Variants in HCRTR1 observed in about 807,000 individuals in gnomAD.
The protein encoded by HCRTR1 is orexin/Hypocretin receptor type 1.
In HCRTR1, 28 loss-of-function variants were observed where a neutral mutation model predicts 40.6. The ratio of observed to expected loss-of-function variants is 0.69; its 90% confidence interval spans 0.51 to 0.95. The LOEUF is 0.95. Ranked by LOEUF, HCRTR1 falls within the 40% of genes least tolerant of loss-of-function variation. The pLI is 0.00. For missense variants in HCRTR1, 482 were observed against 564.7 expected, an observed-to-expected ratio of 0.85 and a Z score of 1.48; for synonymous variants, 209 against 230.0, an observed-to-expected ratio of 0.91 and a Z score of 0.83.
downstream of HCRTR1, among the ~76,000 whole-genome samples, chr1:31,629,655 C>T (rs1640040337): frequency 6.6e-6 from 1 of 152,190 alleles, no homozygotes; most frequent in Non-Finnish European, 1.5e-5. Context: ...AATAGACCTT[C>T]AGGCCATACT....
downstream of HCRTR1, chr1:31,632,599 T>C (rs765386131): frequency 3.7e-5 from 59 of 1,614,136 alleles, no homozygotes; most frequent in Middle Eastern, 1.7e-4. Flanking sequence ...TGAGAAGCCG[T>C]AGACATCGAT....
chr1:31,630,512 C>A (rs1570263796), downstream of HCRTR1: 20 of 1,190,572 alleles, frequency 1.7e-5, 1 homozygote, highest in East Asian at 5.0e-4. Flanking sequence ...GGAGAATGTT[C>A]TTCTAGAGGG....
At position 31,619,108 on chromosome 1, in the gene HCRTR1, G is replaced by A. The variant is rs201692249; in HGVS notation, c.-85G>A. ...GTGCAAGCCTCCAGGCACCCTGAAGGGAGTGGGCTGAGGGCTGGCCCAAGC... is the reference window on the plus strand; with the variant it reads ...GTGCAAGCCTCCAGGCACCCTGAAGAGAGTGGGCTGAGGGCTGGCCCAAGC... On this transcript the variant is annotated 5_prime_UTR_variant, in exon 3 of 9. Coordinates refer to ENST00000403528, the MANE Select transcript of HCRTR1 (RefSeq NM_001525.3). 1.7e-6 allele frequency: 2 copies of A among 1,190,876 alleles called. No homozygotes were observed. Among genetic ancestry groups the A allele is most frequent in the Non-Finnish European group, 2.4e-6 (2 of 846,848 alleles). 73.8% of individuals were successfully genotyped at this position (1,190,876 alleles called of 1,614,324 possible).
downstream of HCRTR1, chr1:31,630,387 T>C: frequency 3.6e-6 from 2 of 562,838 alleles, no homozygotes; most frequent in Non-Finnish European, 6.3e-6. Context: ...ATTCAACTTC[T>C]ATCCTCTCCT....
At position 31,626,953 on chromosome 1, in the gene HCRTR1, C is replaced by G. The variant is rs1221344116; in HGVS notation, c.1251C>G (p.Leu417=). The part of the protein sequence containing the change: ...SISKISEHVV[L]TSVTTVLP ...CCAAAATCTCTGAGCATGTGGTGCT[C>G]ACCAGCGTCACCACAGTGCTGCCCT... The change falls in exon 9 of 9, where the codon CTC becomes CTG. Residue 417 remains leucine, a synonymous_variant. Coordinates refer to ENST00000403528, the MANE Select transcript of HCRTR1 (RefSeq NM_001525.3). The surrounding 1 kb of genome is among the most constrained non-coding windows in gnomAD (Gnocchi z 4.6). 1.2e-6 allele frequency: 2 copies of G among 1,612,916 alleles called. No individual in the cohort carries two copies. Among genetic ancestry groups the G allele is most frequent in the Non-Finnish European group, 1.7e-6 (2 of 1,179,950 alleles).
At chr1:31,632,426 T>C, downstream of HCRTR1, 3 of 1,609,926 alleles carry the variant, frequency 1.9e-6, no homozygotes, top group Non-Finnish European at 2.6e-6. Flanking sequence ...ACCCCTTTGT[T>C]GTATCTTAGG....
Position 31,621,595 on chromosome 1 carries a change from G to A in HCRTR1, c.738+3G>A. ...TCCGCAAGCTCTGGGGCCGCCAGGT[G>A]AGGCCCACTCTGGGCAGGGGCTAGG... On this transcript the variant is annotated splice_donor_region_variant and intron_variant, in intron 6 of 8. Coordinates refer to ENST00000403528, the MANE Select transcript of HCRTR1 (RefSeq NM_001525.3). 1.9e-6 allele frequency: 3 copies of A among 1,607,358 alleles called. No individual in the cohort carries two copies. The highest frequency in any genetic ancestry group is 2.2e-5 in the East Asian group (1 of 44,844).
At chr1:31,621,690 C>A in intron 6 of HCRTR1, 98 bp downstream of exon 6, 1 of 855,532 alleles carries the variant, frequency 1.2e-6, no homozygotes, top group Non-Finnish European at 1.9e-6. Context: ...CTGCCATCAG[C>A]ACATGCCATC....
Position 31,619,338 on chromosome 1 carries a change from T to C in HCRTR1, c.146T>C (p.Leu49Pro), listed in dbSNP as rs200330803. 2 of 1,614,250 alleles carry C rather than the reference T, an allele frequency of 1.2e-6. No individual in the cohort carries two copies. Among genetic ancestry groups the C allele is most frequent in the Non-Finnish European group, 8.5e-7 (1 of 1,180,040 alleles). ...TACCCAAAACAGTATGAGTGGGTCC[T>C]CATCGCAGCCTATGTGGCTGTGTTC... is the stretch of plus-strand genomic sequence containing the variant. ...YLYPKQYEWVLIAAYVAVFVV... is the reference protein window; with the variant it reads ...YLYPKQYEWVPIAAYVAVFVV... The change falls in exon 3 of 9, where the codon CTC (leucine) becomes CCC (proline). Residue 49 changes from leucine (L) to proline (P), a missense_variant. Coordinates refer to ENST00000403528, the MANE Select transcript of HCRTR1 (RefSeq NM_001525.3).
downstream of HCRTR1, chr1:31,632,563 C>T: frequency 6.2e-7 from 1 of 1,614,212 alleles, no homozygotes; most frequent in East Asian, 2.2e-5. Flanking sequence ...GAGGTTCTTC[C>T]ACTGCTGGAT....
At chr1:31,630,937 T>G, downstream of HCRTR1, 1 of 1,048,508 alleles carries the variant, frequency 9.5e-7, no homozygotes, top group Non-Finnish European at 1.4e-6. Context: ...TCAAGGAACT[T>G]CGAGAGGATG....
chr1:31,624,979 C>T lies in HCRTR1; in HGVS notation c.966-18C>T. 1 of 1,582,028 alleles carries T rather than the reference C, an allele frequency of 6.3e-7. No homozygotes were observed. The highest frequency in any genetic ancestry group is 1.1e-5 in the South Asian group (1 of 87,902). On this transcript the variant is annotated intron_variant, in intron 7 of 8. Transcript: ENST00000403528. ...ACGCAGCTACCCCATTTCTGACGCTCCTCCACCCTGGGCCTAGGGTGTTCG... is the reference window on the plus strand; with the variant it reads ...ACGCAGCTACCCCATTTCTGACGCTTCTCCACCCTGGGCCTAGGGTGTTCG...
At position 31,619,151 on chromosome 1, in the gene HCRTR1, T is replaced by C. The variant is rs1489034070; in HGVS notation, c.-42T>C. ...GCCCAAGCTCCCTCCTCTCCCTCTGTAGAGCCTAGGATGCCCCTCTGCTGC... is the reference window on the plus strand; with the variant it reads ...GCCCAAGCTCCCTCCTCTCCCTCTGCAGAGCCTAGGATGCCCCTCTGCTGC... On this transcript the variant is annotated 5_prime_UTR_variant, in exon 3 of 9. Coordinates refer to ENST00000403528, the MANE Select transcript of HCRTR1 (RefSeq NM_001525.3). 4 of 1,569,264 alleles carry C rather than the reference T, an allele frequency of 2.5e-6. No individual in the cohort carries two copies. The Admixed American group carries it at 5.1e-5, about 20-fold the overall frequency.
rs1639805501 is a variant in HCRTR1, at chr1:31,619,461, G to A, written c.199+70G>A. 5 of 1,612,108 alleles carry A rather than the reference G, an allele frequency of 3.1e-6. No individual in the cohort carries two copies. The Admixed American group carries it at 6.7e-5, about 21-fold the overall frequency. ...GATTGAAGGGGGTTGTGTGGGAGGA[G>A]GGCTCGCTGATTAGGCAGAACTAGG... On this transcript the variant is annotated intron_variant, in intron 3 of 8. Coordinates refer to ENST00000403528, the MANE Select transcript of HCRTR1 (RefSeq NM_001525.3).
downstream of HCRTR1, among the ~76,000 whole-genome samples, chr1:31,628,791 G>A (rs975673259): frequency 6.6e-6 from 1 of 152,242 alleles, no homozygotes; most frequent in Non-Finnish European, 1.5e-5. Flanking sequence ...GCCAAGGGCA[G>A]AGATGCTCAG....
At chr1:31,629,530 G>A (rs1216082366), downstream of HCRTR1, among the ~76,000 whole-genome samples, 1 of 152,200 alleles carries the variant, frequency 6.6e-6, no homozygotes, top group African/African-American at 2.4e-5. Flanking sequence ...AATGGAGTTT[G>A]TCTGGAAGAT....
intron 2 of HCRTR1, 89 bp from the exon 3 acceptor site, chr1:31,618,962 G>T: frequency 1.8e-6 from 1 of 560,742 alleles, no homozygotes; most frequent in Non-Finnish European, 3.2e-6. Context: ...AGAATTAAGA[G>T]GGAACTTATA....
At chr1:31,622,849 C>G (rs562509856) in intron 6 of HCRTR1, among the ~76,000 whole-genome samples, 2 of 152,160 alleles carry the variant, frequency 1.3e-5, no homozygotes, top group East Asian at 1.9e-4. Flanking sequence ...AACTCACCCC[C>G]ACCCCTACCC....
At chr1:31,630,434 C>T (rs531959585), downstream of HCRTR1, 3 of 665,124 alleles carry the variant, frequency 4.5e-6, no homozygotes, top group South Asian at 1.9e-5. Context: ...CAGCCCCGGT[C>T]CTCACTATTT....
Sources: allele counts gnomAD v4.1 joint callset (sites outside exome capture counted in the v4.1 genomes callset), GRCh38; gene constraint gnomAD v4.1.1; non-coding constraint Gnocchi (gnomAD v3.1); transcripts MANE v1.5; gene names NCBI Gene and HGNC (gene_info 2026-07-23, HGNC 2026-07-21).